DCAKD: variants seen among roughly 807,000 people sequenced by gnomAD.
The protein encoded by DCAKD is dephospho-CoA kinase domain containing, also known as dephospho-CoA kinase domain-containing protein.
DCAKD carries 15 observed loss-of-function variants against 18.7 expected under a neutral mutation model. The observed-to-expected ratio is 0.80, with a 90% CI of 0.54 to 1.24. DCAKD has a LOEUF of 1.24. Ranked by LOEUF, DCAKD falls within the 50% of genes most tolerant of loss-of-function variation. The pLI is 0.00. For missense variants in DCAKD, 301 were observed against 322.0 expected (o/e 0.93, Z 0.50); for synonymous variants, 130 against 133.0 (o/e 0.98, Z 0.16).
Position 45,034,206 on chromosome 17 carries a change from C to CGTCT in DCAKD, c.293_296dup (p.Phe100AspfsTer21), listed in dbSNP as rs1567834930. On this transcript the variant is annotated frameshift_variant, in exon 3 of 5. Coordinates refer to ENST00000651974, the MANE Select transcript of DCAKD (RefSeq NM_001288655.2). LOFTEE classifies it high-confidence loss of function. ...ACTTACCCCGGAGGAAGTACTTGAA[C>CGTCT]GTCTCCTTCATCATCTCCTTGCGAA... is the stretch of plus-strand genomic sequence containing the variant. The CGTCT allele has an allele frequency of 6.2e-7, 1 of 1,613,934 alleles. No homozygotes were observed. Among genetic ancestry groups the CGTCT allele is most frequent in the Non-Finnish European group, 8.5e-7 (1 of 1,179,964 alleles).
Position 45,034,284 on chromosome 17 carries a change from G to A in DCAKD, c.219C>T (p.Ile73=). The change falls in exon 3 of 5, where the codon ATC becomes ATT. Residue 73 remains isoleucine, a synonymous_variant. Transcript: ENST00000651974. ...DINRKVLGDL[I]FNQPDRRQLL... ...GCTGCCGCCGGTCAGGCTGGTTAAA[G>A]ATCAGGTCCCCCAGGACCTTGCGAT... The A allele has an allele frequency of 6.2e-7, 1 of 1,614,218 alleles. No individual in the cohort carries two copies.
upstream of DCAKD, among the ~76,000 whole-genome samples, chr17:45,055,080 C>T (rs1023367230): frequency 6.6e-6 from 1 of 152,176 alleles, no homozygotes; most frequent in African/African-American, 2.4e-5. Context: ...CATAATGAAA[C>T]TTGGGCTTTG....
intron 1 of DCAKD, among the ~76,000 whole-genome samples, chr17:45,048,912 C>T (rs762803940): frequency 1.2e-4 from 18 of 151,884 alleles, no homozygotes; most frequent in Non-Finnish European, 2.5e-4. Flanking sequence ...AATAATCTTG[C>T]TTTCATTTGG....
chr17:45,055,943 C>T (rs1463924913), upstream of DCAKD, among the ~76,000 whole-genome samples: 3 of 152,160 alleles, frequency 2.0e-5, no homozygotes, highest in Non-Finnish European at 1.5e-5. Flanking sequence ...CACCTGAGGT[C>T]AGGAGTTTGA....
chr17:45,026,448 G>C (rs1012093834), intron 4 of DCAKD: 5 of 202,584 alleles, frequency 2.5e-5, no homozygotes, highest in Non-Finnish European at 4.3e-5. Flanking sequence ...GGATGGTCTC[G>C]ATCTCCTGAC....
intron 4 of DCAKD, among the ~76,000 whole-genome samples, chr17:45,029,810 C>A (rs957557921): frequency 6.6e-6 from 1 of 152,072 alleles, no homozygotes; most frequent in Non-Finnish European, 1.5e-5. Flanking sequence ...AACAGTGGCC[C>A]AGGGCGAGGC....
chr17:45,027,607 G>A (rs936608850), intron 4 of DCAKD, among the ~76,000 whole-genome samples: 6 of 152,158 alleles, frequency 3.9e-5, no homozygotes, highest in African/African-American at 1.4e-4. Flanking sequence ...AGGTCTCCTG[G>A]AGAGCACACA....
At chr17:45,043,709 C>T (rs4793179) in intron 1 of DCAKD, among the ~76,000 whole-genome samples, 100,180 of 152,010 alleles carry the variant, frequency 0.66, 33,700 homozygotes, top group African/African-American at 0.78. Context: ...CTGGACTTGT[C>T]CGAATCATTC....
intron 4 of DCAKD, chr17:45,026,808 G>A: frequency 1.0e-6 from 1 of 985,444 alleles, no homozygotes; most frequent in Non-Finnish European, 1.2e-6. Flanking sequence ...TCATCAGGGA[G>A]ACCACATATC....
intron 3 of DCAKD, chr17:45,031,366 C>A: frequency 1.0e-6 from 1 of 982,324 alleles, no homozygotes; most frequent in Non-Finnish European, 1.2e-6. Flanking sequence ...TGGTTGGTAG[C>A]CCCCCCACCT....
chr17:45,060,554 G>C (rs762891564), intron 1 of DCAKD, among the ~76,000 whole-genome samples: 11 of 152,142 alleles, frequency 7.2e-5, no homozygotes, highest in Non-Finnish European at 1.3e-4. Flanking sequence ...AGAAAAAAAG[G>C]GTCGTTGTGG....
intron 1 of DCAKD, among the ~76,000 whole-genome samples, chr17:45,043,332 A>G (rs1364811683): frequency 2.6e-5 from 4 of 151,998 alleles, no homozygotes; most frequent in African/African-American, 9.7e-5. Context: ...CATAGGTCAC[A>G]GTCACCTCAT....
intron 1 of DCAKD, among the ~76,000 whole-genome samples, chr17:45,044,324 C>T (rs2053513260): frequency 6.6e-6 from 1 of 151,828 alleles, no homozygotes; most frequent in South Asian, 2.1e-4. Flanking sequence ...CCAATCGTCC[C>T]CCCATCAGAG....
rs1175761078 is a variant in DCAKD, at chr17:45,023,426, T to A, written c.*1007A>T. 6.6e-6 allele frequency: 1 copy of A among 151,968 alleles called. No homozygotes were observed. The highest frequency in any genetic ancestry group is 1.5e-5 in the Non-Finnish European group (1 of 67,994). The allele number at this position is 151,968 out of a possible 1,614,324, so 9.4% of individuals were successfully genotyped here. A position where few individuals can be genotyped will look rare whatever the true frequency, so the allele number is the denominator to read the frequency against. ...TCTGCACTAAGAACACAGAGATGAA[T>A]AAGACACTGTCCCTGTCCCTAGAGG... On this transcript the variant is annotated 3_prime_UTR_variant, in exon 5 of 5. Coordinates refer to ENST00000651974, the MANE Select transcript of DCAKD (RefSeq NM_001288655.2).
intron 1 of DCAKD, among the ~76,000 whole-genome samples, chr17:45,048,564 G>A (rs987906092): frequency 2.0e-5 from 3 of 152,170 alleles, no homozygotes; most frequent in African/African-American, 7.2e-5. Flanking sequence ...TTGAAACCGG[G>A]AGGCAGACGT....
At chr17:45,032,498 C>T (rs527966129) in intron 3 of DCAKD, among the ~76,000 whole-genome samples, 30 of 152,160 alleles carry the variant, frequency 2.0e-4, no homozygotes, top group African/African-American at 6.3e-4. Context: ...GTAAAAGGCT[C>T]CCCCAGCCAG....
chr17:45,035,107 G>A (rs552150672), intron 1 of DCAKD, 108 bp from the exon 2 acceptor site: 2 of 532,430 alleles, frequency 3.8e-6, no homozygotes, highest in African/African-American at 3.8e-5. Context: ...GACATGTCCT[G>A]AGCTTGGGGT....
chr17:45,053,978 A>G, upstream of DCAKD: 1 of 476,502 alleles, frequency 2.1e-6, no homozygotes, highest in East Asian at 6.8e-5. Flanking sequence ...TACAATACCC[A>G]GTGCCCTGCA....
At chr17:45,047,298 T>C (rs2143353341) in intron 1 of DCAKD, among the ~76,000 whole-genome samples, 1 of 152,146 alleles carries the variant, frequency 6.6e-6, no homozygotes, top group East Asian at 1.9e-4. Flanking sequence ...CTTATTTTTT[T>C]CGAGGCAGAG....
Sources: allele counts gnomAD v4.1 joint callset (sites outside exome capture counted in the v4.1 genomes callset), GRCh38; gene constraint gnomAD v4.1.1; transcripts MANE v1.5; gene names NCBI Gene and HGNC (gene_info 2026-07-23, HGNC 2026-07-21).